The following CCDC24 variants were observed in gnomAD, a reference collection of about 807,000 sequenced individuals.
CCDC24 encodes coiled-coil domain containing 24, also known as coiled-coil domain-containing protein 24.
Under a neutral mutation model 31.6 loss-of-function variants are expected in CCDC24, and 34 were observed. The ratio of observed to expected loss-of-function variants is 1.08; its 90% CI spans 0.82 to 1.43. CCDC24 has a LOEUF of 1.43. Among genes scored for constraint, CCDC24 ranks in the 40% most tolerant of loss-of-function variants. The pLI is 0.00. For missense variants in CCDC24, 426 were observed against 391.1 expected (o/e 1.09, Z -0.75); for synonymous variants, 175 against 157.3 (o/e 1.11, Z -0.84).
chr1:43,996,223 C>T lies in CCDC24; in HGVS notation c.*63C>T. ...GCGCACCTGTCTGCCGCTGCCGCCT[C>T]AGCTGCTTTGGCCCAGCCAGCTTCA... On this transcript the variant is annotated 3_prime_UTR_variant, in exon 9 of 9. Coordinates refer to ENST00000372318, the MANE Select transcript of CCDC24 (RefSeq NM_152499.4). 1 of 1,400,812 alleles carries T rather than the reference C, an allele frequency of 7.1e-7. No individual in the cohort carries two copies. Among genetic ancestry groups the T allele is most frequent in the Non-Finnish European group, 9.5e-7 (1 of 1,049,656 alleles). The allele number at this position is 1,400,812 out of a possible 1,614,324, so 86.8% of individuals were successfully genotyped here. A position where few individuals can be genotyped will look rare whatever the true frequency, so the allele number is the denominator to read the frequency against.
At position 43,991,960 on chromosome 1, in the gene CCDC24, C is replaced by G. The variant is rs2085751851; in HGVS notation, c.82C>G (p.Leu28Val). 1 of 1,531,628 alleles carries G rather than the reference C, an allele frequency of 6.5e-7. No individual in the cohort carries two copies. Among genetic ancestry groups the G allele is most frequent in the East Asian group, 2.5e-5 (1 of 40,652 alleles). The allele number at this position is 1,531,628 out of a possible 1,614,324, so 94.9% of individuals were successfully genotyped here. ...LRERREVKRILGEAAVDLSLE... is the reference protein window; with the variant it reads ...LRERREVKRIVGEAAVDLSLE... ...GGAGCGACGCGAAGTGAAGAGGATT[C>G]TGGGGGAGGCGGCGGTGGACCTGAG... The change falls in exon 2 of 9, where the codon CTG becomes GTG. Residue 28 changes from leucine to valine, a missense_variant. Physicochemically the swap from Leu to Val is conservative, Grantham distance 32. Transcript: ENST00000372318.
At position 43,992,241 on chromosome 1, in the gene CCDC24, G is replaced by A. The variant is rs200161871; in HGVS notation, c.156G>A (p.Glu52=). 6.2e-7 allele frequency: 1 copy of A among 1,613,734 alleles called. No individual in the cohort carries two copies. The highest frequency in any genetic ancestry group is 8.5e-7 in the Non-Finnish European group (1 of 1,179,848). Reference sequence around the variant, plus strand: ...CGATGTTACGGGCACTGCTCCAAGAGGCTCGATCCTCTCAAGCCCCCAGCT... The same window carrying A: ...CGATGTTACGGGCACTGCTCCAAGAAGCTCGATCCTCTCAAGCCCCCAGCT... ...EVAMLRALLQ[E]ARSSQAPSSR... is the part of the protein sequence containing the mutation. The change falls in exon 3 of 9, where the codon GAG becomes GAA. Residue 52 remains glutamate, a synonymous_variant. Transcript: ENST00000372318.
intron 4 of CCDC24, among the ~76,000 whole-genome samples, chr1:43,993,632 G>A (rs2085782227): frequency 7.1e-6 from 1 of 141,018 alleles, no homozygotes; most frequent in East Asian, 2.0e-4. Flanking sequence ...GGGCAACAGA[G>A]CACAATCTTG....
Position 43,991,933 on chromosome 1 carries a change from CG to C in CCDC24, c.58del (p.Glu20SerfsTer5). The C allele has an allele frequency of 6.5e-7, 1 of 1,542,374 alleles. No homozygotes were observed. The highest frequency in any genetic ancestry group is 8.8e-7 in the Non-Finnish European group (1 of 1,140,856). Reference protein sequence around the residue: ...WELVEEHVPLRERREVKRILG... With the variant: ...WELVEEHVPLXERREVKRILG... ...GCTGGTGGAGGAGCACGTTCCGCTC[CG>C]GGAGCGACGCGAAGTGAAGAGGATT... On this transcript the variant is annotated frameshift_variant, in exon 2 of 9. Transcript: ENST00000372318. LOFTEE classifies it high-confidence loss of function.
rs2085763904 is a variant in CCDC24 at position 43,992,464 on chromosome 1, C to T, written c.303-59C>T. 1.9e-6 allele frequency: 3 copies of T among 1,612,606 alleles called. No homozygotes were observed. The South Asian group carries it at 3.3e-5, about 18-fold the overall frequency. On this transcript the variant is annotated intron_variant, in intron 3 of 8. Coordinates refer to ENST00000372318, the MANE Select transcript of CCDC24 (RefSeq NM_152499.4). ...TGCCCCTAACAAGGAGCCAGGGTTG[C>T]CTTTTCTGTGGTTTCCAGAAAGGAG... is the stretch of plus-strand genomic sequence containing the variant.
rs771058166 is a variant in CCDC24, at chr1:43,991,662, C to A, written c.-117C>A. 4.1e-6 allele frequency: 3 copies of A among 733,914 alleles called. No individual in the cohort carries two copies. The South Asian group carries it at 4.4e-5, about 11-fold the overall frequency. The allele number at this position is 733,914 out of a possible 1,614,324, so 45.5% of individuals were successfully genotyped here. The stretch of plus-strand genomic sequence containing the variant: ...TCTGGGCCCCCGGCATCCGAGTCGG[C>A]CAAAAGCCGGGCAGAAGAGAGCGCC... On this transcript the variant is annotated 5_prime_UTR_variant, in exon 1 of 9. Coordinates refer to ENST00000372318, the MANE Select transcript of CCDC24 (RefSeq NM_152499.4).
At chr1:43,992,459 G>T in intron 3 of CCDC24, 64 bp from the exon 4 acceptor site, 1 of 1,612,884 alleles carries the variant, frequency 6.2e-7, no homozygotes, top group South Asian at 1.1e-5. Flanking sequence ...AAGGAGCCAG[G>T]GTTGCCTTTT....
At position 43,995,807 on chromosome 1, in the gene CCDC24, C is replaced by A. The variant is rs774483728; in HGVS notation, c.652C>A (p.Gln218Lys). 6 of 1,614,220 alleles carry A rather than the reference C, an allele frequency of 3.7e-6. No individual in the cohort carries two copies. Among genetic ancestry groups the A allele is most frequent in the Middle Eastern group, 1.6e-4 (1 of 6,062 alleles). The change falls in exon 8 of 9, where the codon CAG becomes AAG. Residue 218 changes from glutamine (Q) to lysine (K), a missense_variant. By Grantham distance (53) the Gln-to-Lys change is moderately conservative. Coordinates refer to ENST00000372318, the MANE Select transcript of CCDC24 (RefSeq NM_152499.4). This position sits in a 1 kb window ranked among gnomAD's most constrained non-coding sequence, Gnocchi z 4.3. ...ELKEQKKAMEQELQASVGPSC... is the reference protein window; with the variant it reads ...ELKEQKKAMEKELQASVGPSC... Reference sequence around the variant, plus strand: ...AAAGGAACAGAAGAAGGCCATGGAGCAGGAGCTGCAGGCATCTGTGGGGCC... The same window carrying A: ...AAAGGAACAGAAGAAGGCCATGGAGAAGGAGCTGCAGGCATCTGTGGGGCC...
chr1:43,993,284 T>TAA (rs1319321182), intron 4 of CCDC24, among the ~76,000 whole-genome samples: 10 of 78,686 alleles, frequency 1.3e-4, no homozygotes, highest in Non-Finnish European at 3.1e-4. Context: ...TTACAAAAAG[T>TAA]GAAAAAAAAA....
chr1:43,992,149 C>G, intron 2 of CCDC24, 63 bp from the exon 3 acceptor site: 1 of 1,541,276 alleles, frequency 6.5e-7, no homozygotes, highest in Non-Finnish European at 8.8e-7. Context: ...CCTCACTCCC[C>G]CAGCCCCCAC....
In CCDC24 at chr1:43,995,502, A is replaced by G; in HGVS notation, c.553-99A>G. ...GGCTGCCCTCACGGTGGATGGGCTG[A>G]AGGGGCTGCACGGGCCTGCCCTGGG... is the stretch of plus-strand genomic sequence containing the variant. On this transcript the variant is annotated intron_variant, in intron 6 of 8. Coordinates refer to ENST00000372318, the MANE Select transcript of CCDC24 (RefSeq NM_152499.4). The surrounding 1 kb of genome is among the most constrained non-coding windows in gnomAD (Gnocchi z 4.3). 1 of 1,293,360 alleles carries G rather than the reference A, an allele frequency of 7.7e-7. No individual in the cohort carries two copies. 80.1% of individuals were successfully genotyped at this position (1,293,360 alleles called of 1,614,324 possible).
Position 43,995,666 on chromosome 1 carries a change from G to A in CCDC24, c.618G>A (p.Leu206=), listed in dbSNP as rs776925255. 1 of 1,613,478 alleles carries A rather than the reference G, an allele frequency of 6.2e-7. No homozygotes were observed. The highest frequency in any genetic ancestry group is 1.3e-5 in the African/African-American group (1 of 74,922). The part of the protein sequence containing the change: ...HPSEAALEPT[L]AELKEQKKAM... ...CTGAGGCAGCCCTGGAGCCCACCCT[G>A]GCAGGTGAGGACACGGAGCAGGGCC... The change falls in exon 7 of 9, where the codon CTG becomes CTA. Residue 206 remains leucine, a synonymous_variant. Coordinates refer to ENST00000372318, the MANE Select transcript of CCDC24 (RefSeq NM_152499.4). This position sits in a 1 kb window ranked among gnomAD's most constrained non-coding sequence, Gnocchi z 4.3.
chr1:43,993,599 A>T (rs934632591), intron 4 of CCDC24, among the ~76,000 whole-genome samples: 1 of 148,542 alleles, frequency 6.7e-6, no homozygotes, highest in African/African-American at 2.5e-5. Context: ...GTGAGCCAAG[A>T]TGGTGCTACT....
rs1413319324 is a variant in CCDC24, at chr1:43,996,358, C to T, written c.*198C>T. On this transcript the variant is annotated 3_prime_UTR_variant, in exon 9 of 9. Transcript: ENST00000372318. ...TGTCTGGAGCTGAGTGGCCGGGCAT[C>T]GGTCCCAAGCATCAAAGCCTTTGGC... is the stretch of plus-strand genomic sequence containing the variant. The T allele has an allele frequency of 1.3e-5, 7 of 558,134 alleles. No individual in the cohort carries two copies. Among genetic ancestry groups the T allele is most frequent in the Middle Eastern group, 4.6e-4 (1 of 2,154 alleles). 34.6% of individuals were successfully genotyped at this position (558,134 alleles called of 1,614,324 possible).
At chr1:43,994,550 C>T (rs1249997146) in intron 5 of CCDC24, 1 of 157,922 alleles carries the variant, frequency 6.3e-6, no homozygotes, top group East Asian at 1.8e-4. Context: ...ACACCATTCT[C>T]CTGCCTAAGC....
In CCDC24 at chr1:43,995,234, G is replaced by T. The variant is rs931420741; in HGVS notation, c.552+72G>T. 6 of 1,426,642 alleles carry T rather than the reference G, an allele frequency of 4.2e-6. No homozygotes were observed. Among genetic ancestry groups the T allele is most frequent in the Non-Finnish European group, 5.8e-6 (6 of 1,043,028 alleles). The allele number at this position is 1,426,642 out of a possible 1,614,324, so 88.4% of individuals were successfully genotyped here. On this transcript the variant is annotated intron_variant, in intron 6 of 8. Coordinates refer to ENST00000372318, the MANE Select transcript of CCDC24 (RefSeq NM_152499.4). This position sits in a 1 kb window ranked among gnomAD's most constrained non-coding sequence, Gnocchi z 4.3. The stretch of plus-strand genomic sequence containing the variant: ...AGACTCTCACCTGGGTGAGACCCAT[G>T]TACCTGTGTGCATACATAGGTGCAT...
intron 4 of CCDC24, 36 bp downstream of exon 4, chr1:43,992,675 C>T (rs1484512580): frequency 6.3e-7 from 1 of 1,596,988 alleles, no homozygotes; most frequent in South Asian, 1.1e-5. Flanking sequence ...TCTGTCCCTG[C>T]TTGGCAGAGG....
chr1:43,993,261 G>A (rs892537370), intron 4 of CCDC24, among the ~76,000 whole-genome samples: 2 of 149,026 alleles, frequency 1.3e-5, no homozygotes, highest in African/African-American at 4.9e-5. Flanking sequence ...GGCAATACAG[G>A]GAGACCCCAT....
rs746087056 is a variant in CCDC24 at position 43,992,549 on chromosome 1, A to G, written c.329A>G (p.Tyr110Cys). Residue 110 changes from tyrosine to cysteine, a missense_variant, in exon 4 of 9, where the codon TAT (tyrosine) becomes TGT (cysteine). Physicochemically the swap from Tyr to Cys is radical, Grantham distance 194. Transcript: ENST00000372318. ...GRDQAQAWVQ[Y>C]SPRVLHFALE... The stretch of plus-strand genomic sequence containing the variant: ...GACCAGGCCCAAGCTTGGGTCCAGT[A>G]TAGCCCCAGGGTCCTGCACTTTGCC... 1.1e-5 allele frequency: 17 copies of G among 1,614,100 alleles called. No individual in the cohort carries two copies. In the African/African-American group the frequency reaches 1.3e-4, roughly 13 times the overall value.
Sources: allele counts gnomAD v4.1 joint callset (sites outside exome capture counted in the v4.1 genomes callset), GRCh38; gene constraint gnomAD v4.1.1; non-coding constraint Gnocchi (gnomAD v3.1); transcripts MANE v1.5; gene names NCBI Gene and HGNC (gene_info 2026-07-23, HGNC 2026-07-21).